ZNF804B: variants seen among roughly 807,000 people sequenced by gnomAD.
The protein encoded by ZNF804B is zinc finger 804B.
Under a neutral mutation model 101.4 loss-of-function variants are expected in ZNF804B, and 80 were observed. The ratio of observed to expected loss-of-function variants is 0.79; its 90% CI spans 0.66 to 0.95. The LOEUF (loss-of-function observed/expected upper bound fraction) is 0.95, where lower values mean the gene tolerates loss of function less well. Ranked by LOEUF, ZNF804B falls within the 40% of genes least tolerant of loss-of-function variation. The pLI is 0.00. For synonymous variants in ZNF804B, 622 were observed against 558.8 expected (o/e 1.11, Z -1.59); for missense variants, 1,673 against 1,561.9 (o/e 1.07, Z -1.20).
chr7:89,148,986 T>G (rs903832879), intron 1 of ZNF804B, among the ~76,000 whole-genome samples: 1 of 152,090 alleles, frequency 6.6e-6, no homozygotes, highest in Non-Finnish European at 1.5e-5. Flanking sequence ...ATTGGGAAAC[T>G]CCCTGAGTTG....
intron 1 of ZNF804B, among the ~76,000 whole-genome samples, chr7:89,158,024 A>G (rs1323871557): frequency 6.6e-6 from 1 of 152,164 alleles, no homozygotes; most frequent in Non-Finnish European, 1.5e-5. Context: ...TGGAATATGT[A>G]TGTTAATTTC....
rs116179496 is a variant in ZNF804B at position 88,789,085 on chromosome 7, C to T, written c.108+29001C>T. On this transcript the variant is annotated intron_variant, in intron 1 of 3. Coordinates refer to ENST00000333190, the MANE Select transcript of ZNF804B (RefSeq NM_181646.5). ...GTATTTTAATAAATCCAAAGTCCAA[C>T]CATTGTTAGAAATTAACAACTAAAC... Among the ~76,000 whole-genome samples, 408 of 152,132 alleles carry T rather than the reference C, an allele frequency of 2.7e-3. 2 individuals are homozygous for T. The highest frequency in any genetic ancestry group is 9.3e-3 in the African/African-American group (388 of 41,536).
At chr7:89,059,004 C>T (rs1243099904) in intron 1 of ZNF804B, among the ~76,000 whole-genome samples, 1 of 152,108 alleles carries the variant, frequency 6.6e-6, no homozygotes, top group African/African-American at 2.4e-5. Context: ...TGGAATGGTT[C>T]CTTTCAGGCT....
intron 1 of ZNF804B, among the ~76,000 whole-genome samples, chr7:89,092,632 C>T (rs929101440): frequency 6.6e-6 from 1 of 151,908 alleles, no homozygotes; most frequent in South Asian, 2.1e-4. Context: ...AGGATGATCT[C>T]GAAATCCTGA....
rs62462034 is a variant in ZNF804B, at chr7:88,777,517, C to T, written c.108+17433C>T. ...AGAGCTGAATGCTATCAGACAAATA[C>T]CCAGCACTGTATTTAGACCATTTAA... On this transcript the variant is annotated intron_variant, in intron 1 of 3. Coordinates refer to ENST00000333190, the MANE Select transcript of ZNF804B (RefSeq NM_181646.5). Among the ~76,000 whole-genome samples, 481 of 152,192 alleles carry T rather than the reference C, an allele frequency of 3.2e-3. 2 individuals carry two copies. The highest frequency in any genetic ancestry group is 0.01 in the Middle Eastern group (3 of 294).
chr7:88,877,026 A>AAAATATAT (rs1791956796), intron 1 of ZNF804B, among the ~76,000 whole-genome samples: 1 of 41,096 alleles, frequency 2.4e-5, no homozygotes, highest in African/African-American at 1.7e-4. Context: ...ATATATATAT[A>AAAATATAT]ATATATATAT....
chr7:89,057,257 C>T (rs905204513), intron 1 of ZNF804B, among the ~76,000 whole-genome samples: 2 of 152,056 alleles, frequency 1.3e-5, no homozygotes, highest in Non-Finnish European at 2.9e-5. Flanking sequence ...GGTCAGTAAC[C>T]AATGCTAACA....
At chr7:88,981,384 G>C (rs915989912) in intron 1 of ZNF804B, among the ~76,000 whole-genome samples, 12 of 152,028 alleles carry the variant, frequency 7.9e-5, no homozygotes, top group African/African-American at 2.9e-4. Flanking sequence ...CCAAGACAAA[G>C]TCTTCTTGCT....
chr7:89,080,819 G>T (rs1406524862), intron 1 of ZNF804B, among the ~76,000 whole-genome samples: 4 of 151,858 alleles, frequency 2.6e-5, no homozygotes, highest in African/African-American at 9.7e-5. Flanking sequence ...AGGGTGTTTT[G>T]ATGCTTTTTG....
intron 1 of ZNF804B, among the ~76,000 whole-genome samples, chr7:88,998,426 G>T (rs969940387): frequency 6.6e-6 from 1 of 152,048 alleles, no homozygotes; most frequent in Non-Finnish European, 1.5e-5. Context: ...ATGGAAATGT[G>T]CAAATGAAAG....
intron 1 of ZNF804B, among the ~76,000 whole-genome samples, chr7:88,935,786 A>G (rs55988311): frequency 6.6e-6 from 1 of 151,780 alleles, no homozygotes; most frequent in Non-Finnish European, 1.5e-5. Context: ...TACTAAAAAA[A>G]TTTTTTTATC....
At chr7:89,035,916 TATATA>T (rs1458647083) in intron 1 of ZNF804B, among the ~76,000 whole-genome samples, 21 of 145,090 alleles carry the variant, frequency 1.4e-4, no homozygotes, top group Non-Finnish European at 3.0e-4. Context: ...TTATATATTA[TATATA>T]ATATATTAAT....
At chr7:89,294,562 T>G (rs1036444328) in intron 2 of ZNF804B, among the ~76,000 whole-genome samples, 1 of 152,044 alleles carries the variant, frequency 6.6e-6, no homozygotes, top group African/African-American at 2.4e-5. Context: ...TTGTTACTTT[T>G]TTTTTAAAAA....
chr7:88,793,896 T>A (rs971765264), intron 1 of ZNF804B, among the ~76,000 whole-genome samples: 1 of 152,108 alleles, frequency 6.6e-6, no homozygotes, highest in Non-Finnish European at 1.5e-5. Context: ...GCCATACTTT[T>A]TTTTGAAAAG....
chr7:89,150,745 A>G (rs955192537), intron 1 of ZNF804B, among the ~76,000 whole-genome samples: 5 of 152,122 alleles, frequency 3.3e-5, no homozygotes, highest in Non-Finnish European at 7.4e-5. Context: ...AATGTTGAAA[A>G]AAGTCCAAAT....
chr7:88,820,449 A>T (rs1458371839), intron 1 of ZNF804B, among the ~76,000 whole-genome samples: 1 of 152,068 alleles, frequency 6.6e-6, no homozygotes, highest in Non-Finnish European at 1.5e-5. Flanking sequence ...CCTGCCCATT[A>T]TCTCCTGGGA....
At chr7:89,279,520 C>T (rs1351532829) in intron 2 of ZNF804B, among the ~76,000 whole-genome samples, 2 of 151,518 alleles carry the variant, frequency 1.3e-5, no homozygotes, top group East Asian at 1.9e-4. Context: ...TTTTGAAATA[C>T]GTCCCATCAA....
intron 1 of ZNF804B, among the ~76,000 whole-genome samples, chr7:89,118,360 G>A (rs1231930424): frequency 6.6e-6 from 1 of 152,066 alleles, no homozygotes; most frequent in Non-Finnish European, 1.5e-5. Flanking sequence ...TTATCAATTA[G>A]TGAGATAATC....
At chr7:89,031,450 A>G (rs1788832995) in intron 1 of ZNF804B, among the ~76,000 whole-genome samples, 1 of 152,004 alleles carries the variant, frequency 6.6e-6, no homozygotes, top group East Asian at 1.9e-4. Flanking sequence ...TTTTTCTCTC[A>G]GTCTCCAAAA....
Sources: gnomAD v4.1 joint callset for allele counts (sites outside exome capture counted in the v4.1 genomes callset) on GRCh38, gnomAD v4.1.1 for gene constraint, MANE v1.5 for transcripts, NCBI Gene and HGNC (gene_info 2026-07-23, HGNC 2026-07-21) for gene names.